DMRT1: variants seen among roughly 807,000 people sequenced by gnomAD.
The protein encoded by DMRT1 is doublesex and mab-3 related transcription factor 1.
In DMRT1, 7 loss-of-function variants were observed where a neutral mutation model predicts 32.3. The observed-to-expected ratio is 0.22, with a 90% CI of 0.12 to 0.41. The LOEUF (loss-of-function observed/expected upper bound fraction) is 0.41. DMRT1 is among the 10% of genes least tolerant of loss of function. The pLI is 1.00. For synonymous variants in DMRT1, 278 were observed against 206.1 expected (o/e 1.35, Z -2.99); for missense variants, 625 against 500.5 (o/e 1.25, Z -2.37).
chr9:943,124 T>A (rs547756689), intron 4 of DMRT1, among the ~76,000 whole-genome samples: 1 of 152,080 alleles, frequency 6.6e-6, no homozygotes, highest in African/African-American at 2.4e-5. Context: ...TTCCAAGGAG[T>A]AAGAGTGAAG....
At chr9:918,252 C>T (rs1818245168) in intron 4 of DMRT1, among the ~76,000 whole-genome samples, 2 of 152,316 alleles carry the variant, frequency 1.3e-5, no homozygotes, top group Admixed American at 6.5e-5. Flanking sequence ...GGGGATGAAG[C>T]AGTTAAAGGA....
chr9:868,983 C>T, intron 2 of DMRT1, among the ~76,000 whole-genome samples: 1 of 152,110 alleles, frequency 6.6e-6, no homozygotes, highest in East Asian at 1.9e-4. Context: ...CTCACTCCAG[C>T]CTGGGTGACA....
Position 926,915 on chromosome 9 carries a change from T to C in DMRT1, c.967+10008T>C, listed in dbSNP as rs541057033. 7.9e-5 allele frequency among the ~76,000 whole-genome samples: 12 copies of C among 152,348 alleles called. No individual in the cohort carries two copies. The East Asian group carries it at 1.9e-3, about 24-fold the overall frequency. On this transcript the variant is annotated intron_variant, in intron 4 of 4. Coordinates refer to ENST00000382276, the MANE Select transcript of DMRT1 (RefSeq NM_021951.3). ...TGTGGGTACATCACAAATCATCAAG[T>C]TGGCCAGTTTCTGTTACTCATTTAG...
intron 2 of DMRT1, among the ~76,000 whole-genome samples, chr9:862,043 T>C (rs1186332575): frequency 6.7e-6 from 1 of 148,660 alleles, no homozygotes; most frequent in Non-Finnish European, 1.5e-5. Flanking sequence ...GAGGGGCTCC[T>C]CACATCCCAG....
chr9:894,292 T>G, intron 3 of DMRT1, 97 bp downstream of exon 3: 1 of 1,375,340 alleles, frequency 7.3e-7, no homozygotes, highest in Non-Finnish European at 1.0e-6. Flanking sequence ...CACGCACTTG[T>G]GCGCCCAGAG....
chr9:954,751 C>T (rs376963366), intron 4 of DMRT1, among the ~76,000 whole-genome samples: 4 of 152,208 alleles, frequency 2.6e-5, no homozygotes, highest in East Asian at 3.9e-4. Flanking sequence ...AAGCAATTCT[C>T]CTGCCTCAGC....
At position 878,209 on chromosome 9, in the gene DMRT1, C is replaced by CCA. The variant is rs200873092; in HGVS notation, c.539-15701_539-15700dup. Among the ~76,000 whole-genome samples, 78 of 127,192 alleles carry CCA rather than the reference C, an allele frequency of 6.1e-4. 2 individuals carry two copies. The highest frequency in any genetic ancestry group is 2.3e-3 in the African/African-American group (78 of 33,826). 83.4% of individuals were successfully genotyped at this position (127,192 alleles called of 152,430 possible). A position where few individuals can be genotyped will look rare whatever the true frequency, so the allele number is the denominator to read the frequency against. On this transcript the variant is annotated intron_variant, in intron 2 of 4. Coordinates refer to ENST00000382276, the MANE Select transcript of DMRT1 (RefSeq NM_021951.3). Reference sequence around the variant, plus strand: ...TGGAACTGCAGCTGCTGCCCCCCCCCCACCCAATAAAAATGTCTGCCTGTC... The same window carrying CCA: ...TGGAACTGCAGCTGCTGCCCCCCCCCCACACCCAATAAAAATGTCTGCCTGTC...
At chr9:961,776 G>T (rs1819781110) in intron 4 of DMRT1, among the ~76,000 whole-genome samples, 1 of 152,184 alleles carries the variant, frequency 6.6e-6, no homozygotes, top group East Asian at 1.9e-4. Context: ...GCGTTCAAAA[G>T]CAAGAATCTT....
At chr9:885,977 T>G (rs1816912830) in intron 2 of DMRT1, among the ~76,000 whole-genome samples, 1 of 152,246 alleles carries the variant, frequency 6.6e-6, no homozygotes, top group African/African-American at 2.4e-5. Context: ...GCTAGCTTTC[T>G]GTTATTATTC....
intron 2 of DMRT1, among the ~76,000 whole-genome samples, chr9:867,443 G>A (rs577835910): frequency 1.3e-5 from 2 of 152,322 alleles, no homozygotes; most frequent in South Asian, 4.1e-4. Context: ...GTTTTCATAG[G>A]TGGTAGTAAT....
intron 2 of DMRT1, among the ~76,000 whole-genome samples, chr9:873,214 TC>T (rs1394347953): frequency 6.6e-6 from 1 of 152,240 alleles, no homozygotes; most frequent in Non-Finnish European, 1.5e-5. Flanking sequence ...TTGTCTGTCT[TC>T]TTTAGAGAAA....
chr9:919,600 A>G (rs1427340192), intron 4 of DMRT1, among the ~76,000 whole-genome samples: 1 of 152,178 alleles, frequency 6.6e-6, no homozygotes, highest in Non-Finnish European at 1.5e-5. Flanking sequence ...ATTGGAAACA[A>G]TTAGGCTTTT....
chr9:925,218 A>G (rs1341421465), intron 4 of DMRT1, among the ~76,000 whole-genome samples: 3 of 152,046 alleles, frequency 2.0e-5, no homozygotes, highest in Admixed American at 1.3e-4. Flanking sequence ...ATGGTTTGTC[A>G]TTTCTTAAAT....
At chr9:849,860 G>A (rs2132549403) in intron 2 of DMRT1, among the ~76,000 whole-genome samples, 1 of 151,504 alleles carries the variant, frequency 6.6e-6, no homozygotes, top group East Asian at 1.9e-4. Context: ...TTTTGCTCTT[G>A]TTGCCCAGGG....
At chr9:897,090 ATATTATTAT>A (rs35331172) in intron 3 of DMRT1, among the ~76,000 whole-genome samples, 6,118 of 141,130 alleles carry the variant, frequency 0.043, 288 homozygotes, top group East Asian at 0.14. Context: ...TTTTGGAATC[ATATTATTAT>A]TATTATTATT....
chr9:890,943 T>C (rs1306916257), intron 2 of DMRT1, among the ~76,000 whole-genome samples: 1 of 150,884 alleles, frequency 6.6e-6, no homozygotes, highest in African/African-American at 2.4e-5. Context: ...TTGGTCAGGC[T>C]GGTCTCGAAC....
At chr9:879,948 G>C (rs533469347) in intron 2 of DMRT1, among the ~76,000 whole-genome samples, 49 of 152,292 alleles carry the variant, frequency 3.2e-4, no homozygotes, top group African/African-American at 1.2e-3. Context: ...GATCTTGTTA[G>C]AATAATCTTC....
At chr9:920,601 G>GT (rs1221798212) in intron 4 of DMRT1, among the ~76,000 whole-genome samples, 1 of 152,212 alleles carries the variant, frequency 6.6e-6, no homozygotes, top group African/African-American at 2.4e-5. Context: ...CTCTTCAGGA[G>GT]TTTTGCTGTA....
intron 4 of DMRT1, among the ~76,000 whole-genome samples, chr9:949,732 C>G (rs1044426470): frequency 6.6e-6 from 1 of 152,186 alleles, no homozygotes; most frequent in Admixed American, 6.5e-5. Context: ...CCCTTTCTCT[C>G]AGGCCCTGTA....
Sources: gnomAD v4.1 joint callset for allele counts (sites outside exome capture counted in the v4.1 genomes callset) on GRCh38, gnomAD v4.1.1 for gene constraint, MANE v1.5 for transcripts, NCBI Gene and HGNC (gene_info 2026-07-23, HGNC 2026-07-21) for gene names.